MBNL2: variants seen among roughly 807,000 people sequenced by gnomAD.
MBNL2 encodes the protein muscleblind like splicing regulator 2, also known as muscleblind-like protein 2.
MBNL2 carries 17 observed loss-of-function variants against 41.9 expected under a neutral mutation model. The observed-to-expected ratio is 0.41, with a 90% CI of 0.28 to 0.61. The LOEUF is 0.61. Among genes scored for constraint, MBNL2 ranks in the 20% least tolerant of loss-of-function variants. The pLI, the probability that MBNL2 is intolerant of heterozygous loss-of-function variation, is 0.35. For missense variants in MBNL2, 336 were observed against 505.6 expected (o/e 0.66, Z 3.22); for synonymous variants, 195 against 182.9 (o/e 1.07, Z -0.53).
intron 1 of MBNL2, among the ~76,000 whole-genome samples, chr13:97,234,787 T>G (rs2042975025): frequency 6.6e-6 from 1 of 152,148 alleles, no homozygotes; most frequent in Admixed American, 6.5e-5. Flanking sequence ...AAGGTACACG[T>G]TTTTGGTTTT....
At chr13:97,234,360 T>C (rs893125476) in intron 1 of MBNL2, among the ~76,000 whole-genome samples, 2 of 152,192 alleles carry the variant, frequency 1.3e-5, no homozygotes, top group African/African-American at 4.8e-5. Flanking sequence ...CCTTTATATA[T>C]GCAACCCAAG....
At chr13:97,201,470 G>A in the MBNL2 span, among the ~76,000 whole-genome samples, 2 of 152,182 alleles carry the variant, frequency 1.3e-5, no homozygotes, top group East Asian at 1.9e-4. Flanking sequence ...TAAATGGATG[G>A]ATGGATAGAT....
At chr13:97,188,159 G>A in the MBNL2 span, among the ~76,000 whole-genome samples, 3 of 152,092 alleles carry the variant, frequency 2.0e-5, no homozygotes, top group Non-Finnish European at 4.4e-5. Flanking sequence ...GGAGGTACTT[G>A]GGCTGACAAA....
chr13:97,384,967 AG>A (rs2065808674), intron 8 of MBNL2, among the ~76,000 whole-genome samples: 1 of 151,978 alleles, frequency 6.6e-6, no homozygotes, highest in African/African-American at 2.4e-5. Context: ...GAGAATGGGG[AG>A]GGAATGTTTA....
At chr13:97,165,690 C>T in the MBNL2 span, among the ~76,000 whole-genome samples, 2 of 152,158 alleles carry the variant, frequency 1.3e-5, no homozygotes, top group African/African-American at 2.4e-5. Flanking sequence ...TGAGTCTTAG[C>T]GACTCCCTAA....
At chr13:97,182,132 G>A in the MBNL2 span, among the ~76,000 whole-genome samples, 1 of 152,170 alleles carries the variant, frequency 6.6e-6, no homozygotes, top group Admixed American at 6.5e-5. Flanking sequence ...AAAGATAATA[G>A]GATGCTGCCA....
intron 1 of MBNL2, among the ~76,000 whole-genome samples, chr13:97,263,850 T>A (rs1316481062): frequency 6.6e-6 from 1 of 152,128 alleles, no homozygotes; most frequent in African/African-American, 2.4e-5. Flanking sequence ...ACTCCTGACC[T>A]CAGGTGATCT....
the MBNL2 span, among the ~76,000 whole-genome samples, chr13:97,205,355 A>C: frequency 1.3e-4 from 19 of 151,452 alleles, no homozygotes; most frequent in African/African-American, 4.1e-4. Flanking sequence ...GCGCCACTGC[A>C]CTCTAGCCTG....
the MBNL2 span, among the ~76,000 whole-genome samples, chr13:97,168,076 C>T: frequency 6.6e-6 from 1 of 152,092 alleles, no homozygotes; most frequent in East Asian, 1.9e-4. Flanking sequence ...CGTGATTCTC[C>T]TGCCTCAGCC....
At chr13:97,384,589 G>A (rs1729669489) in intron 8 of MBNL2, among the ~76,000 whole-genome samples, 1 of 152,132 alleles carries the variant, frequency 6.6e-6, no homozygotes, top group South Asian at 2.1e-4. Context: ...AACAGAGAGT[G>A]GGAAGAAGGA....
At chr13:97,212,197 A>C in the MBNL2 span, among the ~76,000 whole-genome samples, 13 of 152,198 alleles carry the variant, frequency 8.5e-5, no homozygotes, top group Admixed American at 8.5e-4. Context: ...AAGTGGTTGC[A>C]TGCAGAAGTC....
At chr13:97,357,698 C>A (rs2153107264) in intron 7 of MBNL2, 63 bp downstream of exon 7, 1 of 1,527,678 alleles carries the variant, frequency 6.5e-7, no homozygotes, top group South Asian at 1.1e-5. Flanking sequence ...TCTCATTTCT[C>A]TAAGCTGTTT....
At chr13:97,164,448 A>G in the MBNL2 span, among the ~76,000 whole-genome samples, 1 of 152,226 alleles carries the variant, frequency 6.6e-6, no homozygotes, top group Non-Finnish European at 1.5e-5. Flanking sequence ...TTAATAAATA[A>G]GGAATGAGCA....
intron 1 of MBNL2, among the ~76,000 whole-genome samples, chr13:97,270,195 G>T (rs11840110): frequency 0.013 from 2,012 of 152,282 alleles, 68 homozygotes; most frequent in African/African-American, 0.046. Context: ...AGACAGCACC[G>T]TCAGTAGCAA....
At chr13:97,168,520 A>T in the MBNL2 span, among the ~76,000 whole-genome samples, 3 of 152,116 alleles carry the variant, frequency 2.0e-5, no homozygotes, top group Non-Finnish European at 2.9e-5. Flanking sequence ...AGCTTATCAT[A>T]TTCTAAATAA....
At chr13:97,171,704 G>A in the MBNL2 span, among the ~76,000 whole-genome samples, 2 of 152,130 alleles carry the variant, frequency 1.3e-5, no homozygotes, top group East Asian at 1.9e-4. Flanking sequence ...AAAGGAGGAT[G>A]GACCTATGTA....
the MBNL2 span, among the ~76,000 whole-genome samples, chr13:97,183,575 A>G: frequency 1.3e-5 from 2 of 152,130 alleles, no homozygotes; most frequent in Non-Finnish European, 2.9e-5. Flanking sequence ...CATTTCTCCT[A>G]AGCACATAGT....
rs141938854 is a variant in MBNL2 at position 97,353,523 on chromosome 13, T to C, written c.805-3273T>C. On this transcript the variant is annotated intron_variant, in intron 5 of 8. Coordinates refer to ENST00000679496, the MANE Select transcript of MBNL2 (RefSeq NM_001382683.1). ...AGCATTTCCAGGGTGAAATTTTTAT[T>C]ATTGTCTGGAGATTTCCTGCTTATT... is the stretch of plus-strand genomic sequence containing the variant. Among the ~76,000 whole-genome samples the C allele has an allele frequency of 1.5e-3, 228 of 152,318 alleles. 2 individuals are homozygous for C. The highest frequency in any genetic ancestry group is 5.2e-3 in the African/African-American group (215 of 41,554).
chr13:97,235,210 C>CT (rs1446589314), intron 1 of MBNL2, among the ~76,000 whole-genome samples: 4 of 151,680 alleles, frequency 2.6e-5, no homozygotes, highest in Admixed American at 1.3e-4. Flanking sequence ...ATCACAAACT[C>CT]TGTCTTTTTT....
Sources: allele counts gnomAD v4.1 joint callset (sites outside exome capture counted in the v4.1 genomes callset), GRCh38; gene constraint gnomAD v4.1.1; transcripts MANE v1.5; gene names NCBI Gene and HGNC (gene_info 2026-07-23, HGNC 2026-07-21).